THRB: variants seen among roughly 807,000 people sequenced by gnomAD.
THRB encodes the protein thyroid hormone receptor beta, also known as nuclear receptor subfamily 1 group A member 2.
In THRB, 12 loss-of-function variants were observed where a neutral mutation model predicts 47.8. That is an observed-to-expected ratio of 0.25 (90% CI 0.16 to 0.41). The LOEUF (loss-of-function observed/expected upper bound fraction) is 0.41, where lower values mean the gene tolerates loss of function less well. THRB is among the 10% of genes least tolerant of loss of function. The pLI, the probability that THRB is intolerant of heterozygous loss-of-function variation, is 1.00. For missense variants in THRB, 348 were observed against 589.2 expected (o/e 0.59, Z 4.24); for synonymous variants, 218 against 212.2 (o/e 1.03, Z -0.24).
chr3:24,166,440 G>A (rs2039653122), intron 5 of THRB, among the ~76,000 whole-genome samples: 1 of 152,140 alleles, frequency 6.6e-6, no homozygotes, highest in African/African-American at 2.4e-5. Context: ...GATTTAAGTG[G>A]TATTCATGTA....
chr3:24,346,962 A>G lies in THRB; in HGVS notation c.-260-9591T>C, dbSNP rs534569175. On this transcript the variant is annotated intron_variant, in intron 1 of 10. Coordinates refer to ENST00000646209, the MANE Select transcript of THRB (RefSeq NM_001354712.2). The stretch of plus-strand genomic sequence containing the variant: ...TAACATTACAGCCAACAATTACAGA[A>G]TACACATTGAACATTTACCAAAATT... 3.0e-4 allele frequency among the ~76,000 whole-genome samples: 46 copies of G among 152,246 alleles called. No homozygotes were observed. In the South Asian group the frequency reaches 7.2e-3, roughly 24 times the overall value.
At chr3:24,206,846 A>G (rs1224443245) in intron 4 of THRB, among the ~76,000 whole-genome samples, 7 of 152,204 alleles carry the variant, frequency 4.6e-5, no homozygotes, top group Non-Finnish European at 1.0e-4. Flanking sequence ...AATACAAACT[A>G]CCATCAGAGA....
chr3:24,454,828 C>T (rs1160687190), intron 1 of THRB, among the ~76,000 whole-genome samples: 4 of 152,118 alleles, frequency 2.6e-5, no homozygotes, highest in Non-Finnish European at 5.9e-5. Flanking sequence ...GGAAAGAAAA[C>T]ATACTCGGAA....
intron 3 of THRB, among the ~76,000 whole-genome samples, chr3:24,279,551 AT>A (rs763650108): frequency 3.6e-5 from 3 of 83,686 alleles, no homozygotes; most frequent in Non-Finnish European, 8.1e-5. Flanking sequence ...CGGCTGGCTA[AT>A]TTTTTTGTAT....
intron 1 of THRB, among the ~76,000 whole-genome samples, chr3:24,473,663 G>A (rs937632429): frequency 5.9e-5 from 9 of 152,052 alleles, no homozygotes; most frequent in Non-Finnish European, 8.8e-5. Context: ...AGCACTATTC[G>A]CAACAGCAAA....
intron 5 of THRB, among the ~76,000 whole-genome samples, chr3:24,161,259 A>G (rs1307888281): frequency 6.6e-6 from 1 of 152,242 alleles, no homozygotes; most frequent in Admixed American, 6.5e-5. Context: ...CTAACTTTCC[A>G]TCAGCGTCCT....
At chr3:24,123,631 G>A (rs1051351855) in intron 10 of THRB, among the ~76,000 whole-genome samples, 1 of 152,114 alleles carries the variant, frequency 6.6e-6, no homozygotes, top group African/African-American at 2.4e-5. Context: ...GAAACACCAT[G>A]TTTAATTTTG....
At chr3:24,219,067 G>A (rs1406153292) in intron 4 of THRB, among the ~76,000 whole-genome samples, 1 of 152,110 alleles carries the variant, frequency 6.6e-6, no homozygotes, top group Admixed American at 6.5e-5. Flanking sequence ...AGGAGTTTAA[G>A]ACCAGCCTGG....
At chr3:24,255,129 G>T (rs1372463050) in intron 3 of THRB, among the ~76,000 whole-genome samples, 1 of 151,926 alleles carries the variant, frequency 6.6e-6, no homozygotes, top group Non-Finnish European at 1.5e-5. Context: ...TTTGCTCTTG[G>T]TTACTGGAAA....
At chr3:24,280,625 G>C (rs191127604) in intron 3 of THRB, among the ~76,000 whole-genome samples, 3 of 152,084 alleles carry the variant, frequency 2.0e-5, no homozygotes, top group African/African-American at 7.2e-5. Context: ...GGCTTCAGAC[G>C]ATCAAATTAC....
At chr3:24,396,904 A>C (rs1291286601) in intron 1 of THRB, among the ~76,000 whole-genome samples, 1 of 152,116 alleles carries the variant, frequency 6.6e-6, no homozygotes, top group African/African-American at 2.4e-5. Context: ...GGCTATCAAT[A>C]CCAGATATAA....
At chr3:24,202,824 T>G (rs2149743685) in intron 4 of THRB, among the ~76,000 whole-genome samples, 2 of 152,284 alleles carry the variant, frequency 1.3e-5, no homozygotes, top group Middle Eastern at 6.8e-3. Context: ...TTACAGATAG[T>G]AAATAGGTAG....
intron 1 of THRB, among the ~76,000 whole-genome samples, chr3:24,469,026 G>A (rs543425352): frequency 5.3e-5 from 8 of 152,154 alleles, no homozygotes; most frequent in South Asian, 4.2e-4. Context: ...AGTGACACAC[G>A]CACAAACACA....
intron 2 of THRB, among the ~76,000 whole-genome samples, chr3:24,299,160 A>C (rs1475592843): frequency 1.3e-5 from 2 of 149,498 alleles, no homozygotes; most frequent in African/African-American, 4.9e-5. Flanking sequence ...AGGCAGGAGA[A>C]TGGCGTGAAC....
At chr3:24,256,444 C>T (rs567638065) in intron 3 of THRB, among the ~76,000 whole-genome samples, 4 of 151,830 alleles carry the variant, frequency 2.6e-5, no homozygotes, top group Admixed American at 6.6e-5. Context: ...ATTGTGAGTT[C>T]GTTGCAGGGA....
chr3:24,385,745 A>G (rs1275470920), intron 1 of THRB, among the ~76,000 whole-genome samples: 4 of 152,130 alleles, frequency 2.6e-5, no homozygotes, highest in Admixed American at 1.3e-4. Flanking sequence ...GTTCATTACC[A>G]TCAATGGGAA....
chr3:24,158,440 A>C (rs13322598), intron 5 of THRB, among the ~76,000 whole-genome samples: 1 of 24,762 alleles, frequency 4.0e-5, no homozygotes, highest in African/African-American at 1.1e-4. Context: ...TTTTGGGGGG[A>C]GGGTGGGGGA....
At chr3:24,475,125 A>G (rs1695255975) in intron 1 of THRB, among the ~76,000 whole-genome samples, 1 of 152,176 alleles carries the variant, frequency 6.6e-6, no homozygotes, top group Non-Finnish European at 1.5e-5. Context: ...ACTTTCTACA[A>G]CTGTAACCAT....
chr3:24,176,311 G>A (rs1035416480), intron 5 of THRB, among the ~76,000 whole-genome samples: 3 of 152,008 alleles, frequency 2.0e-5, no homozygotes, highest in Non-Finnish European at 2.9e-5. Context: ...CACAATGATC[G>A]ACTTGATGTG....
Sources: gnomAD v4.1 joint callset for allele counts (sites outside exome capture counted in the v4.1 genomes callset) on GRCh38, gnomAD v4.1.1 for gene constraint, MANE v1.5 for transcripts, NCBI Gene and HGNC (gene_info 2026-07-23, HGNC 2026-07-21) for gene names.